Variants in COL21A1 observed in about 807,000 individuals in gnomAD.
The protein encoded by COL21A1 is collagen type XXI alpha 1 chain.
COL21A1 carries 149 observed loss-of-function variants against 137.9 expected under a neutral mutation model. The observed-to-expected ratio is 1.08, with a 90% CI of 0.95 to 1.24. COL21A1 has a LOEUF of 1.24. Among genes scored for constraint, COL21A1 ranks in the 50% most tolerant of loss-of-function variants. The pLI, the probability that COL21A1 is intolerant of heterozygous loss-of-function variation, is 0.00. For missense variants in COL21A1, 1,167 were observed against 1,158.4 expected (o/e 1.01, Z -0.11); for synonymous variants, 456 against 391.5 (o/e 1.16, Z -1.95).
At chr6:56,059,337 T>C in intron 28 of COL21A1, 95 bp from the exon 29 acceptor site, 1 of 763,898 alleles carries the variant, frequency 1.3e-6, no homozygotes, top group Non-Finnish European at 2.0e-6. Context: ...GAAAGAAAAA[T>C]GTCTTTTAAA....
intron 10 of COL21A1, among the ~76,000 whole-genome samples, chr6:56,148,369 A>AGAGAGAGAGAGAGAGAGAGAGAGAGAGAG (rs67984339): frequency 6.9e-6 from 1 of 145,222 alleles, no homozygotes; most frequent in African/African-American, 2.8e-5. Context: ...AGAGAGAGAG[A>AGAGAGAGAGAGAGAGAGAGAGAGAGAGAG]AACACATAAA....
intron 18 of COL21A1, among the ~76,000 whole-genome samples, chr6:56,076,595 AT>A (rs1214550106): frequency 6.6e-6 from 1 of 151,418 alleles, no homozygotes; most frequent in Non-Finnish European, 1.5e-5. Context: ...AGTGTTTATC[AT>A]TTTTAAAAAA....
intron 1 of COL21A1, among the ~76,000 whole-genome samples, chr6:56,344,310 T>C (rs1416283973): frequency 6.6e-6 from 1 of 152,192 alleles, no homozygotes; most frequent in African/African-American, 2.4e-5. Context: ...GAATTAATGT[T>C]TCCAAAAGAA....
At chr6:56,064,901 A>G (rs1412796169) in intron 23 of COL21A1, among the ~76,000 whole-genome samples, 4 of 152,116 alleles carry the variant, frequency 2.6e-5, no homozygotes, top group African/African-American at 9.7e-5. Flanking sequence ...ATGTTCTTCT[A>G]AGTCCATATT....
intron 17 of COL21A1, among the ~76,000 whole-genome samples, chr6:56,092,981 A>G (rs1214013937): frequency 2.6e-5 from 4 of 152,006 alleles, no homozygotes; most frequent in African/African-American, 4.8e-5. Flanking sequence ...CATCACTCCA[A>G]TCTTAGCCAC....
upstream of COL21A1, among the ~76,000 whole-genome samples, chr6:56,248,105 G>A (rs1237248597): frequency 2.0e-5 from 3 of 152,250 alleles, no homozygotes; most frequent in East Asian, 1.9e-4. Flanking sequence ...CTCGGAATAA[G>A]GTGACAGCCT....
intron 3 of COL21A1, among the ~76,000 whole-genome samples, chr6:56,173,482 TA>T (rs1777220358): frequency 6.8e-6 from 1 of 148,046 alleles, no homozygotes; most frequent in African/African-American, 2.7e-5. Flanking sequence ...GGACTCACTT[TA>T]AATTTAAGGA....
intron 1 of COL21A1, among the ~76,000 whole-genome samples, chr6:56,319,479 A>G (rs1160878263): frequency 6.6e-6 from 1 of 152,130 alleles, no homozygotes; most frequent in Non-Finnish European, 1.5e-5. Context: ...CTGGGACTAC[A>G]GGCACTTTCC....
chr6:56,244,979 A>G (rs1488082137), intron 1 of COL21A1, among the ~76,000 whole-genome samples: 3 of 152,200 alleles, frequency 2.0e-5, no homozygotes, highest in Admixed American at 6.5e-5. Context: ...ATTGCAGCTA[A>G]GGAAGAAAAG....
At chr6:56,261,492 A>G (rs768740110) in intron 1 of COL21A1, among the ~76,000 whole-genome samples, 30 of 152,054 alleles carry the variant, frequency 2.0e-4, no homozygotes, top group Admixed American at 3.9e-4. Flanking sequence ...CCTAAAAGAG[A>G]CCCAAGAGAC....
intron 1 of COL21A1, among the ~76,000 whole-genome samples, chr6:56,339,042 T>C (rs6910739): frequency 0.75 from 113,489 of 152,026 alleles, 42,496 homozygotes; most frequent in East Asian, 0.89. Flanking sequence ...GTAGCATGTA[T>C]GAAGCATAGC....
intron 16 of COL21A1, among the ~76,000 whole-genome samples, chr6:56,115,499 A>G: frequency 6.6e-6 from 1 of 152,168 alleles, no homozygotes; most frequent in East Asian, 1.9e-4. Context: ...AACAGCTTAG[A>G]TCACAACACC....
chr6:56,316,205 CA>C (rs1440024472), intron 1 of COL21A1, among the ~76,000 whole-genome samples: 1 of 152,136 alleles, frequency 6.6e-6, no homozygotes, highest in Non-Finnish European at 1.5e-5. Flanking sequence ...ACATTCTTAA[CA>C]TTTTTTTGTG....
rs561528701 is a variant in COL21A1 at position 56,124,033 on chromosome 6, T to G, written c.1758+29A>C. On this transcript the variant is annotated intron_variant, in intron 16 of 29. Coordinates refer to ENST00000244728, the MANE Select transcript of COL21A1 (RefSeq NM_030820.4). ...TCTCAAGATACAAAAATCTTTTTGTTTTGTCCTTTTTTTTTTTTTTATAAA... is the reference window on the plus strand; with the variant it reads ...TCTCAAGATACAAAAATCTTTTTGTGTTGTCCTTTTTTTTTTTTTTATAAA... 9 of 1,467,032 alleles carry G rather than the reference T, an allele frequency of 6.1e-6. No individual in the cohort carries two copies. In the East Asian group the frequency reaches 2.0e-4, roughly 33 times the overall value. The allele number at this position is 1,467,032 out of a possible 1,614,324, so 90.9% of individuals were successfully genotyped here. A position where few individuals can be genotyped will look rare whatever the true frequency, so the allele number is the denominator to read the frequency against.
At chr6:56,161,872 T>C (rs1398969922) in intron 9 of COL21A1, among the ~76,000 whole-genome samples, 2 of 152,180 alleles carry the variant, frequency 1.3e-5, no homozygotes, top group Admixed American at 1.3e-4. Context: ...GAATCAGCAC[T>C]TCCCCATTTA....
intron 10 of COL21A1, among the ~76,000 whole-genome samples, chr6:56,148,331 C>CG (rs1393913516): frequency 2.0e-4 from 6 of 29,808 alleles, no homozygotes; most frequent in African/African-American, 3.2e-4. Flanking sequence ...ATTAGTGAGA[C>CG]AAGAGACAGA....
At chr6:56,249,529 A>G (rs1782802719), upstream of COL21A1, among the ~76,000 whole-genome samples, 1 of 152,220 alleles carries the variant, frequency 6.6e-6, no homozygotes, top group African/African-American at 2.4e-5. Context: ...TATTATTCTG[A>G]CATAAAAAGG....
At chr6:56,308,410 T>G (rs1044135062) in intron 1 of COL21A1, among the ~76,000 whole-genome samples, 1 of 152,174 alleles carries the variant, frequency 6.6e-6, no homozygotes, top group Non-Finnish European at 1.5e-5. Context: ...TTTGTTAAAC[T>G]AGCCCAAAGG....
intron 1 of COL21A1, among the ~76,000 whole-genome samples, chr6:56,364,759 G>T (rs1255422548): frequency 1.5e-5 from 2 of 134,632 alleles, no homozygotes; most frequent in African/African-American, 6.0e-5. Flanking sequence ...TCTGTAAAGA[G>T]CCCAGGAAAA....
Sources: allele counts gnomAD v4.1 joint callset (sites outside exome capture counted in the v4.1 genomes callset), GRCh38; gene constraint gnomAD v4.1.1; transcripts MANE v1.5; gene names NCBI Gene and HGNC (gene_info 2026-07-23, HGNC 2026-07-21).